Variants in SLC44A5 observed in about 807,000 individuals in gnomAD.
SLC44A5 encodes the protein solute carrier family 44 member 5.
Under a neutral mutation model 101.8 loss-of-function variants are expected in SLC44A5, and 57 were observed. The ratio of observed to expected loss-of-function variants is 0.56; its 90% CI spans 0.45 to 0.70. SLC44A5 has a LOEUF of 0.70. SLC44A5 is among the 30% of genes least tolerant of loss of function. The pLI is 0.00. For missense variants in SLC44A5, 737 were observed against 853.1 expected (o/e 0.86, Z 1.70); for synonymous variants, 281 against 290.9 (o/e 0.97, Z 0.35).
intron 1 of SLC44A5, among the ~76,000 whole-genome samples, chr1:75,604,857 A>G (rs1303867947): frequency 3.9e-5 from 6 of 151,962 alleles, no homozygotes; most frequent in African/African-American, 1.4e-4. Context: ...TGATTTTTGT[A>G]CATTGATTTT....
intron 2 of SLC44A5, among the ~76,000 whole-genome samples, chr1:75,424,725 A>G (rs1289744995): frequency 2.0e-5 from 3 of 152,194 alleles, no homozygotes; most frequent in African/African-American, 7.2e-5. Context: ...AAGATGAAAG[A>G]TGAAATATCA....
chr1:75,610,381 C>T (rs182052363), intron 1 of SLC44A5, among the ~76,000 whole-genome samples: 27 of 152,238 alleles, frequency 1.8e-4, no homozygotes, highest in Admixed American at 1.0e-3. Context: ...TATGTATCTT[C>T]TCTTACTATT....
At chr1:75,388,891 A>C (rs1661591729) in intron 3 of SLC44A5, among the ~76,000 whole-genome samples, 1 of 152,162 alleles carries the variant, frequency 6.6e-6, no homozygotes, top group African/African-American at 2.4e-5. Flanking sequence ...CTTTTAAAAA[A>C]AAGACCCAAC....
At chr1:75,536,700 T>C (rs1671034935) in intron 2 of SLC44A5, among the ~76,000 whole-genome samples, 3 of 149,454 alleles carry the variant, frequency 2.0e-5, no homozygotes, top group African/African-American at 4.9e-5. Context: ...TCCCATTTTC[T>C]TTTTACTAGC....
chr1:75,651,061 T>A, the SLC44A5 span, among the ~76,000 whole-genome samples: 2 of 152,332 alleles, frequency 1.3e-5, no homozygotes, highest in East Asian at 3.9e-4. Flanking sequence ...ATGTTTGATA[T>A]TTGCCATAAT....
At chr1:75,649,947 G>A in the SLC44A5 span, among the ~76,000 whole-genome samples, 1 of 152,132 alleles carries the variant, frequency 6.6e-6, no homozygotes, top group Non-Finnish European at 1.5e-5. Flanking sequence ...TCTTGATACT[G>A]GGTAATATCT....
intron 12 of SLC44A5, among the ~76,000 whole-genome samples, chr1:75,232,106 C>T (rs1016956006): frequency 2.2e-5 from 3 of 137,936 alleles, no homozygotes; most frequent in Admixed American, 7.0e-5. Flanking sequence ...ACCTTTCCTC[C>T]CTCAGTAAAT....
intron 2 of SLC44A5, among the ~76,000 whole-genome samples, chr1:75,418,821 G>A (rs1663823352): frequency 6.6e-6 from 1 of 152,150 alleles, no homozygotes; most frequent in African/African-American, 2.4e-5. Context: ...TAAAAGTAAA[G>A]CAGGAGAAAC....
chr1:75,482,652 A>G (rs1667938960), intron 2 of SLC44A5, among the ~76,000 whole-genome samples: 1 of 152,176 alleles, frequency 6.6e-6, no homozygotes, highest in African/African-American at 2.4e-5. Flanking sequence ...ACATGAGTCT[A>G]ATACAAATCT....
At chr1:75,480,518 C>T (rs1228866838) in intron 2 of SLC44A5, among the ~76,000 whole-genome samples, 1 of 152,140 alleles carries the variant, frequency 6.6e-6, no homozygotes, top group Non-Finnish European at 1.5e-5. Context: ...TGTCTCAGCC[C>T]AAAATCTTCT....
At chr1:75,561,745 G>A (rs768918455) in intron 1 of SLC44A5, among the ~76,000 whole-genome samples, 33 of 152,030 alleles carry the variant, frequency 2.2e-4, no homozygotes, top group Non-Finnish European at 3.5e-4. Context: ...AACTTGGTCA[G>A]CAAACATGTT....
chr1:75,227,810 T>G lies in SLC44A5; in HGVS notation c.901A>C (p.Ser301Arg). 6.2e-7 allele frequency: 1 copy of G among 1,600,486 alleles called. No individual in the cohort carries two copies. Among genetic ancestry groups the G allele is most frequent in the Non-Finnish European group, 8.5e-7 (1 of 1,176,468 alleles). Residue 301 changes from serine to arginine, a missense_variant, in exon 13 of 24, where the codon AGT becomes CGT. Ser to Arg is a moderately radical substitution (Grantham distance 110). Coordinates refer to ENST00000370859, the MANE Select transcript of SLC44A5 (RefSeq NM_001130058.2). ...ATGTCATAGATAGTTAATACAGAAC[T>G]TGGGCGTTCCTGAAGATTGGTGTAC... ...QQYTNLQERP[S>R]SVLTIYDIGI...
At chr1:75,370,438 G>A (rs1378620799) in intron 3 of SLC44A5, among the ~76,000 whole-genome samples, 2 of 152,160 alleles carry the variant, frequency 1.3e-5, no homozygotes, top group African/African-American at 2.4e-5. Flanking sequence ...TCCAACCACA[G>A]TTTCTTATTG....
chr1:75,239,057 T>C (rs1189494792), intron 9 of SLC44A5, among the ~76,000 whole-genome samples: 3 of 152,060 alleles, frequency 2.0e-5, no homozygotes, highest in Non-Finnish European at 2.9e-5. Flanking sequence ...ACTTTGAAAA[T>C]TGGGGATCAG....
chr1:75,276,784 A>T (rs888611162), intron 5 of SLC44A5, among the ~76,000 whole-genome samples: 16 of 152,118 alleles, frequency 1.1e-4, no homozygotes, highest in Non-Finnish European at 2.1e-4. Context: ...AAATAGGTAT[A>T]AGGGAGATGA....
At chr1:75,668,871 T>C in the SLC44A5 span, among the ~76,000 whole-genome samples, 1 of 151,294 alleles carries the variant, frequency 6.6e-6, no homozygotes, top group Non-Finnish European at 1.5e-5. Context: ...ACAACGCACC[T>C]GTAATCCCAG....
intron 1 of SLC44A5, among the ~76,000 whole-genome samples, chr1:75,556,927 A>C (rs1023407926): frequency 2.0e-5 from 3 of 152,070 alleles, no homozygotes; most frequent in African/African-American, 7.2e-5. Flanking sequence ...TCACCACTAC[A>C]CAATATATAT....
chr1:75,425,600 A>C (rs1664262363), intron 2 of SLC44A5, among the ~76,000 whole-genome samples: 1 of 152,226 alleles, frequency 6.6e-6, no homozygotes, highest in Non-Finnish European at 1.5e-5. Flanking sequence ...AACTTATTTT[A>C]GATGTACCAA....
At chr1:75,541,998 A>G (rs1271829076) in intron 1 of SLC44A5, among the ~76,000 whole-genome samples, 2 of 152,150 alleles carry the variant, frequency 1.3e-5, no homozygotes, top group Non-Finnish European at 2.9e-5. Context: ...AAATGGTATT[A>G]TATGGCATTT....
Sources: allele counts gnomAD v4.1 joint callset (sites outside exome capture counted in the v4.1 genomes callset), GRCh38; gene constraint gnomAD v4.1.1; transcripts MANE v1.5; gene names NCBI Gene and HGNC (gene_info 2026-07-23, HGNC 2026-07-21).